Variants in SYTL2 observed in about 807,000 individuals in gnomAD.
The protein encoded by SYTL2 is synaptotagmin-like protein 2.
In SYTL2, 165 loss-of-function variants were observed where a neutral mutation model predicts 198.7. The observed-to-expected ratio is 0.83, with a 90% CI of 0.73 to 0.94. SYTL2 has a LOEUF of 0.94. SYTL2 is among the 40% of genes least tolerant of loss of function. SYTL2 has a pLI of 0.00. For missense variants in SYTL2, 2,835 were observed against 2,582.8 expected, an observed-to-expected ratio of 1.10 and a Z score of -2.12; for synonymous variants, 966 against 917.7, an observed-to-expected ratio of 1.05 and a Z score of -0.95.
At chr11:85,781,009 C>G (rs2092550619) in intron 1 of SYTL2, among the ~76,000 whole-genome samples, 2 of 152,166 alleles carry the variant, frequency 1.3e-5, no homozygotes, top group African/African-American at 4.8e-5. Context: ...CCCTGCACAT[C>G]TGGGGTACAG....
chr11:85,790,842 G>A (rs1020144084), intron 1 of SYTL2, among the ~76,000 whole-genome samples: 3 of 152,066 alleles, frequency 2.0e-5, no homozygotes, highest in East Asian at 1.9e-4. Context: ...ATGTTCATGT[G>A]AACAAATGTG....
intron 11 of SYTL2, chr11:85,717,246 T>C (rs2087455010): frequency 8.4e-6 from 2 of 237,578 alleles, no homozygotes; most frequent in South Asian, 7.4e-5. Flanking sequence ...AGCAATAACA[T>C]ATATATATAT....
chr11:85,736,384 C>G, intron 6 of SYTL2, 117 bp downstream of exon 6: 1 of 588,912 alleles, frequency 1.7e-6, no homozygotes, highest in East Asian at 3.2e-5. Context: ...AATAAGAAAA[C>G]CATCAGGACT....
intron 1 of SYTL2, among the ~76,000 whole-genome samples, chr11:85,795,381 G>A (rs2092788819): frequency 1.3e-5 from 2 of 152,114 alleles, no homozygotes; most frequent in Admixed American, 1.3e-4. Context: ...GGTCTGGGCT[G>A]CTCTGTGATT....
In SYTL2 at chr11:85,726,043, T is replaced by C. The variant is rs1370772098; in HGVS notation, c.3315A>G (p.Glu1105=). Residue 1105 remains glutamate (E), a synonymous_variant, in exon 8 of 20, where the codon GAA becomes GAG. Transcript: ENST00000359152. ...TEGIVTPVFK[E]EKDYSEQEIQ... is the part of the protein sequence containing the mutation. ...TCTCTTGTTCTGAGTAATCCTTTTCTTCCTTAAACACTGGAGTAACAATCC... is the reference window on the plus strand; with the variant it reads ...TCTCTTGTTCTGAGTAATCCTTTTCCTCCTTAAACACTGGAGTAACAATCC... 6.2e-7 allele frequency: 1 copy of C among 1,612,434 alleles called. No homozygotes were observed. Among genetic ancestry groups the C allele is most frequent in the Non-Finnish European group, 8.5e-7 (1 of 1,179,442 alleles).
chr11:85,787,344 A>G (rs1438938887), intron 1 of SYTL2, among the ~76,000 whole-genome samples: 1 of 152,200 alleles, frequency 6.6e-6, no homozygotes, highest in Non-Finnish European at 1.5e-5. Flanking sequence ...ACCCTTCCAT[A>G]GATACTTCCA....
At chr11:85,810,513 A>T (rs1223231672) in intron 1 of SYTL2, among the ~76,000 whole-genome samples, 1 of 151,996 alleles carries the variant, frequency 6.6e-6, no homozygotes, top group Non-Finnish European at 1.5e-5. Context: ...TTCAAAGGAG[A>T]AATCATCATC....
At chr11:85,708,468 C>G (rs2085612873) in intron 14 of SYTL2, among the ~76,000 whole-genome samples, 1 of 150,940 alleles carries the variant, frequency 6.6e-6, no homozygotes, top group Non-Finnish European at 1.5e-5. Context: ...TCAGCGTTTG[C>G]AAAAAAAGAA....
the SYTL2 span, among the ~76,000 whole-genome samples, chr11:85,830,640 T>C: frequency 2.6e-5 from 4 of 152,180 alleles, no homozygotes; most frequent in Admixed American, 6.5e-5. Flanking sequence ...TGCCCCTAAT[T>C]CTCAGGGACA....
intron 1 of SYTL2, among the ~76,000 whole-genome samples, chr11:85,807,949 G>T (rs770724901): frequency 2.0e-5 from 3 of 152,170 alleles, no homozygotes; most frequent in Non-Finnish European, 2.9e-5. Context: ...AGTCAAAAGG[G>T]CTGTATTTGT....
At chr11:85,804,609 T>C (rs1020076136) in intron 1 of SYTL2, among the ~76,000 whole-genome samples, 2 of 152,242 alleles carry the variant, frequency 1.3e-5, no homozygotes, top group African/African-American at 4.8e-5. Flanking sequence ...CTTGGAATAC[T>C]GCCTGGTACA....
At chr11:85,822,375 T>C in the SYTL2 span, among the ~76,000 whole-genome samples, 1 of 152,190 alleles carries the variant, frequency 6.6e-6, no homozygotes, top group Non-Finnish European at 1.5e-5. Flanking sequence ...AGACTGGATC[T>C]TACTATTTGC....
rs1054611684 is a variant in SYTL2 at position 85,811,110 on chromosome 11, C to T, written c.-546G>A. ...CGAGCCTTCACTCTCCCGACGGACG[C>T]TGGCGGCACGGCCCGGGTGTCGCCC... On this transcript the variant is annotated 5_prime_UTR_variant, in exon 1 of 20. Transcript: ENST00000359152. 4.6e-5 allele frequency: 7 copies of T among 152,216 alleles called. No homozygotes were observed. Among genetic ancestry groups the T allele is most frequent in the Non-Finnish European group, 8.8e-5 (6 of 68,034 alleles). 9.4% of individuals were successfully genotyped at this position (152,216 alleles called of 1,614,324 possible). A position where few individuals can be genotyped will look rare whatever the true frequency, so the allele number is the denominator to read the frequency against.
chr11:85,755,940 G>C (rs1384467240), intron 2 of SYTL2, among the ~76,000 whole-genome samples: 1 of 152,158 alleles, frequency 6.6e-6, no homozygotes, highest in African/African-American at 2.4e-5. Context: ...ACTCAGTGCA[G>C]TCCCAGCTCT....
chr11:85,792,872 T>G (rs1382751905), intron 1 of SYTL2, among the ~76,000 whole-genome samples: 1 of 151,738 alleles, frequency 6.6e-6, no homozygotes, highest in Non-Finnish European at 1.5e-5. Context: ...AGTGAGAACA[T>G]GCAGTGTTTG....
chr11:85,725,806 G>A lies in SYTL2; in HGVS notation c.3552C>T (p.Val1184=), dbSNP rs1470053086. ...KTDFADTEEE[V]KGPEKIINEH... Reference sequence around the variant, plus strand: ...CATTAATGATCTTCTCAGGTCCTTTGACTTCTTCCTCAGTATCAGCAAAAT... The same window carrying A: ...CATTAATGATCTTCTCAGGTCCTTTAACTTCTTCCTCAGTATCAGCAAAAT... Residue 1184 remains valine (V), a synonymous_variant, in exon 8 of 20, where the codon GTC becomes GTT. Coordinates refer to ENST00000359152, the MANE Select transcript of SYTL2 (RefSeq NM_206927.4). The A allele has an allele frequency of 6.2e-6, 10 of 1,613,916 alleles. No individual in the cohort carries two copies. Among genetic ancestry groups the A allele is most frequent in the Non-Finnish European group, 8.5e-6 (10 of 1,179,964 alleles).
In SYTL2 at chr11:85,734,703, T is replaced by C. The variant is rs1404072715; in HGVS notation, c.626A>G (p.Asp209Gly). ...TTTCTCTAACTTTTGGATTGAAGTA[T>C]CTGCGACAGTTGACTTTTCTTTTGA... is the stretch of plus-strand genomic sequence containing the variant. ...SESKEKSTVA[D>G]TSIQKLEKSK... Residue 209 changes from aspartate to glycine, a missense_variant, in exon 7 of 20, where the codon GAT (aspartate) becomes GGT (glycine). Asp to Gly is a moderately conservative substitution (Grantham distance 94). This residue lies in a region of SYTL2 where 2,645 missense variants were observed against 2,381.7 expected (regional missense o/e 1.11). Transcript: ENST00000359152. 1.2e-6 allele frequency: 2 copies of C among 1,613,228 alleles called. No homozygotes were observed. The highest frequency in any genetic ancestry group is 1.7e-5 in the Admixed American group (1 of 59,780).
chr11:85,733,724 C>T (rs1011682237), intron 7 of SYTL2: 4 of 433,934 alleles, frequency 9.2e-6, no homozygotes, highest in Admixed American at 4.0e-5. Flanking sequence ...CTCAGCCTCC[C>T]GAGTAGCTGG....
intron 1 of SYTL2, among the ~76,000 whole-genome samples, chr11:85,791,293 A>T (rs2092727793): frequency 6.6e-6 from 1 of 152,120 alleles, no homozygotes; most frequent in Admixed American, 6.5e-5. Context: ...AAATATACAA[A>T]ATTCCACAAA....
Sources: allele counts gnomAD v4.1 joint callset (sites outside exome capture counted in the v4.1 genomes callset), GRCh38; gene constraint gnomAD v4.1.1; regional missense constraint gnomAD v4.1.1; transcripts MANE v1.5; gene names NCBI Gene and HGNC (gene_info 2026-07-23, HGNC 2026-07-21).